Variants in NRF1 observed in about 807,000 individuals in gnomAD.
NRF1 encodes alpha palindromic-binding protein.
In NRF1, 5 loss-of-function variants were observed where a neutral mutation model predicts 58.5. That is an observed-to-expected ratio of 0.09 (90% CI 0.04 to 0.18). The LOEUF (loss-of-function observed/expected upper bound fraction) is 0.18. NRF1 is among the 10% of genes least tolerant of loss of function. NRF1 has a pLI of 1.00. For synonymous variants in NRF1, 224 were observed against 246.7 expected (o/e 0.91, Z 0.86); for missense variants, 288 against 657.7 (o/e 0.44, Z 6.15).
chr7:129,717,696 T>C (rs1177342418), intron 9 of NRF1, among the ~76,000 whole-genome samples: 2 of 152,206 alleles, frequency 1.3e-5, no homozygotes. Context: ...CATCTCCGCA[T>C]CATTCTTCAC....
At chr7:129,647,000 G>A (rs1210027227) in intron 1 of NRF1, among the ~76,000 whole-genome samples, 1 of 152,124 alleles carries the variant, frequency 6.6e-6, no homozygotes, top group African/African-American at 2.4e-5. Flanking sequence ...AGACTTTATG[G>A]ACCCGAGCCC....
intron 1 of NRF1, among the ~76,000 whole-genome samples, chr7:129,616,410 C>T (rs941280475): frequency 6.6e-6 from 1 of 152,160 alleles, no homozygotes; most frequent in Non-Finnish European, 1.5e-5. Flanking sequence ...TAGTGACATC[C>T]TGTCTTTACA....
intron 1 of NRF1, among the ~76,000 whole-genome samples, chr7:129,655,755 C>G (rs1801639642): frequency 6.6e-6 from 1 of 152,212 alleles, no homozygotes; most frequent in Non-Finnish European, 1.5e-5. Flanking sequence ...CTCCCTACCT[C>G]AGGTGATACA....
At chr7:129,707,618 G>A (rs1360087878) in intron 5 of NRF1, among the ~76,000 whole-genome samples, 1 of 152,198 alleles carries the variant, frequency 6.6e-6, no homozygotes, top group Non-Finnish European at 1.5e-5. Context: ...AATAACTGAA[G>A]TAATGACCGC....
chr7:129,708,046 A>AC (rs1379856741), intron 5 of NRF1, among the ~76,000 whole-genome samples: 3 of 151,824 alleles, frequency 2.0e-5, no homozygotes, highest in Admixed American at 2.0e-4. Flanking sequence ...ACAAATCCAC[A>AC]CCCCCGAGTC....
chr7:129,644,635 C>T (rs1282767430), intron 1 of NRF1, among the ~76,000 whole-genome samples: 3 of 152,184 alleles, frequency 2.0e-5, no homozygotes, highest in Non-Finnish European at 2.9e-5. Flanking sequence ...GGACAGCACA[C>T]ATTTAGAATA....
chr7:129,740,627 T>G (rs1214751751), intron 10 of NRF1, among the ~76,000 whole-genome samples: 1 of 152,224 alleles, frequency 6.6e-6, no homozygotes, highest in African/African-American at 2.4e-5. Context: ...TTTGGTGCTT[T>G]TCTTTGCCTC....
At position 129,652,730 on chromosome 7, in the gene NRF1, G is replaced by A. The variant is rs1475245045; in HGVS notation, c.-6-4616G>A. On this transcript the variant is annotated intron_variant, in intron 1 of 10. Transcript: ENST00000393232. Reference sequence around the variant, plus strand: ...CTCAGCCTCCCGAGTAGCTGGGACTGCAGGCGCCCGCCACCACTCCCGGCT... The same window carrying A: ...CTCAGCCTCCCGAGTAGCTGGGACTACAGGCGCCCGCCACCACTCCCGGCT... Among the ~76,000 whole-genome samples the A allele has an allele frequency of 2.6e-5, 4 of 152,178 alleles. No homozygotes were observed. In the South Asian group the frequency reaches 8.3e-4, roughly 32 times the overall value.
At chr7:129,736,274 ATTTTTT>A (rs61690883) in intron 10 of NRF1, among the ~76,000 whole-genome samples, 2 of 97,958 alleles carry the variant, frequency 2.0e-5, no homozygotes, top group Admixed American at 1.1e-4. Flanking sequence ...GCTCAATAGA[ATTTTTT>A]TTTTTTTTTT....
chr7:129,623,663 TA>T (rs1800853873), intron 1 of NRF1, among the ~76,000 whole-genome samples: 1 of 152,222 alleles, frequency 6.6e-6, no homozygotes, highest in Non-Finnish European at 1.5e-5. Flanking sequence ...TTTTTGTTTT[TA>T]TTTTTTATAC....
chr7:129,638,646 T>C (rs78273839), intron 1 of NRF1, among the ~76,000 whole-genome samples: 2,900 of 152,354 alleles, frequency 0.019, 41 homozygotes, highest in Non-Finnish European at 0.029. Context: ...CCTATACTTC[T>C]TGTAAATGGC....
chr7:129,715,765 G>A (rs1304616476), intron 8 of NRF1, among the ~76,000 whole-genome samples: 1 of 152,192 alleles, frequency 6.6e-6, no homozygotes, highest in Non-Finnish European at 1.5e-5. Flanking sequence ...AGCACTTTGG[G>A]AGGCGGAGGC....
intron 5 of NRF1, among the ~76,000 whole-genome samples, chr7:129,708,372 T>C (rs1459786767): frequency 6.6e-6 from 1 of 152,254 alleles, no homozygotes; most frequent in East Asian, 1.9e-4. Context: ...ATTTGATTTG[T>C]AAAATAAATC....
At chr7:129,633,162 C>A (rs1016209348) in intron 1 of NRF1, among the ~76,000 whole-genome samples, 5 of 152,202 alleles carry the variant, frequency 3.3e-5, no homozygotes, top group African/African-American at 1.2e-4. Flanking sequence ...GAAGTGGCAT[C>A]TGGAAAGAGG....
chr7:129,639,205 G>A (rs531477210), intron 1 of NRF1, among the ~76,000 whole-genome samples: 31 of 152,018 alleles, frequency 2.0e-4, no homozygotes, highest in Middle Eastern at 3.4e-3. Context: ...GATTATAGGC[G>A]TGCGCCACCA....
intron 10 of NRF1, among the ~76,000 whole-genome samples, chr7:129,752,881 T>C (rs1804154700): frequency 6.6e-6 from 1 of 152,170 alleles, no homozygotes; most frequent in Non-Finnish European, 1.5e-5. Context: ...CACGTGCACT[T>C]GGAGGCTGGC....
chr7:129,690,495 G>A lies in NRF1; in HGVS notation c.555G>A (p.Leu185=), dbSNP rs749194967. ...APAPQEVNSE[L]PPLTIDGIPV... is the part of the protein sequence containing the mutation. The stretch of plus-strand genomic sequence containing the variant: ...CGCCACAGGAGGTTAACTCAGAACT[G>A]CCGCCTCTCACCATCGACGGAATTC... The change falls in exon 5 of 11, where the codon CTG becomes CTA. Residue 185 remains leucine, a synonymous_variant. Transcript: ENST00000393232. The A allele has an allele frequency of 2.5e-6, 4 of 1,614,150 alleles. No homozygotes were observed. The South Asian group carries it at 3.3e-5, about 13-fold the overall frequency.
chr7:129,750,851 C>A (rs1460649562), intron 10 of NRF1, among the ~76,000 whole-genome samples: 2 of 152,204 alleles, frequency 1.3e-5, no homozygotes, highest in African/African-American at 4.8e-5. Flanking sequence ...ACAGCCTCAT[C>A]ACCCTAAGGC....
chr7:129,723,222 T>A (rs1803371958), intron 9 of NRF1, among the ~76,000 whole-genome samples: 2 of 152,206 alleles, frequency 1.3e-5, no homozygotes, highest in South Asian at 4.1e-4. Context: ...GGCGGGTGGA[T>A]CACCTGAGGT....
Sources: gnomAD v4.1 joint callset for allele counts (sites outside exome capture counted in the v4.1 genomes callset) on GRCh38, gnomAD v4.1.1 for gene constraint, MANE v1.5 for transcripts, NCBI Gene and HGNC (gene_info 2026-07-23, HGNC 2026-07-21) for gene names.